The following MALRD1 variants were observed in gnomAD, a reference collection of about 807,000 sequenced individuals.
MALRD1 encodes MAM and LDL receptor class A domain containing 1, also known as MAM and LDL-receptor class A domain-containing protein 1.
A neutral mutation model predicts 242.1 loss-of-function variants in MALRD1; 247 were observed. The observed-to-expected ratio is 1.02, with a 90% CI of 0.92 to 1.13. MALRD1 has a LOEUF of 1.13. Ranked by LOEUF, MALRD1 falls within the 50% of genes most tolerant of loss-of-function variation. The probability of loss-of-function intolerance (pLI) is 0.00; values close to 1 mark genes in which losing one functional copy is unlikely to be tolerated. For missense variants in MALRD1, 2,989 were observed against 2,533.1 expected (o/e 1.18, Z -3.86); for synonymous variants, 995 against 866.6 (o/e 1.15, Z -2.60).
intron 18 of MALRD1, among the ~76,000 whole-genome samples, chr10:19,222,097 C>A (rs1837580217): frequency 6.6e-6 from 1 of 152,036 alleles, no homozygotes; most frequent in Non-Finnish European, 1.5e-5. Flanking sequence ...CCCTCCCTTG[C>A]TCCCTCCATC....
In MALRD1 at chr10:19,490,513, G is replaced by GGC. The variant is rs1429606562; in HGVS notation, c.5030-1003_5030-1002insCG. Among the ~76,000 whole-genome samples, 3 of 129,278 alleles carry GGC rather than the reference G, an allele frequency of 2.3e-5. 1 individual carries two copies. Among genetic ancestry groups the GGC allele is most frequent in the Non-Finnish European group, 5.0e-5 (3 of 59,424 alleles). 84.8% of individuals were successfully genotyped at this position (129,278 alleles called of 152,430 possible). On this transcript the variant is annotated intron_variant, in intron 29 of 39. Transcript: ENST00000454679. The stretch of plus-strand genomic sequence containing the variant: ...AGAAGAAGCCAAGTGGGGCGGGGGG[G>GGC]GGGCAGGGTTATGGGGGTGAGGGTA...
intron 36 of MALRD1, among the ~76,000 whole-genome samples, chr10:19,649,739 A>G (rs1589358889): frequency 6.6e-6 from 1 of 152,220 alleles, no homozygotes; most frequent in East Asian, 1.9e-4. Context: ...TTTAGATACC[A>G]TTGGTCAATT....
chr10:19,562,344 G>GATAT (rs1564442794), intron 32 of MALRD1, among the ~76,000 whole-genome samples: 1 of 141,804 alleles, frequency 7.1e-6, no homozygotes, highest in African/African-American at 2.9e-5. Context: ...TAGATAGATA[G>GATAT]TTAGATAGAT....
chr10:19,462,279 T>G (rs12762039), intron 29 of MALRD1, among the ~76,000 whole-genome samples: 48,068 of 152,142 alleles, frequency 0.32, 8,179 homozygotes, highest in East Asian at 0.41. Context: ...TCAGAGCCAC[T>G]ATCTACCTGC....
intron 18 of MALRD1, among the ~76,000 whole-genome samples, chr10:19,227,651 A>T (rs1156374758): frequency 6.6e-6 from 1 of 152,132 alleles, no homozygotes; most frequent in Admixed American, 6.6e-5. Flanking sequence ...AAAACACAGA[A>T]TCAAAAAATG....
intron 18 of MALRD1, among the ~76,000 whole-genome samples, chr10:19,240,423 A>G (rs1339436391): frequency 1.3e-5 from 2 of 152,032 alleles, no homozygotes; most frequent in African/African-American, 4.8e-5. Flanking sequence ...TATATCTAGA[A>G]AGAACCTTAA....
chr10:19,263,196 T>C (rs910357132), intron 19 of MALRD1, among the ~76,000 whole-genome samples: 15 of 152,204 alleles, frequency 9.9e-5, no homozygotes, highest in African/African-American at 3.6e-4. Context: ...AGTTACATTT[T>C]AAATTTTTTG....
intron 31 of MALRD1, among the ~76,000 whole-genome samples, chr10:19,499,503 C>T (rs1203177092): frequency 1.3e-5 from 2 of 151,620 alleles, no homozygotes. Context: ...GGAATGTCTT[C>T]AGATTTCATC....
intron 35 of MALRD1, among the ~76,000 whole-genome samples, chr10:19,609,876 G>T (rs1838811658): frequency 6.6e-6 from 1 of 151,632 alleles, no homozygotes; most frequent in African/African-American, 2.4e-5. Flanking sequence ...AATTAGGAAA[G>T]GTCACTAAAA....
chr10:19,618,411 T>G (rs1839263126), intron 36 of MALRD1, among the ~76,000 whole-genome samples: 1 of 152,108 alleles, frequency 6.6e-6, no homozygotes. Context: ...ATCACCGCAC[T>G]GCTTTGACAA....
At position 19,323,826 on chromosome 10, in the gene MALRD1, G is replaced by A. The variant is rs997061945; in HGVS notation, c.3420-123G>A. On this transcript the variant is annotated intron_variant, in intron 21 of 39. Transcript: ENST00000454679. ...GTGTTTCATCATGGTAGCCAGGCTG[G>A]TCTCGAACTCCTGACTGCAGGTGAT... 7.1e-5 allele frequency: 55 copies of A among 773,950 alleles called. 1 individual carries two copies. In the South Asian group the frequency reaches 9.7e-4, roughly 14 times the overall value. 47.9% of individuals were successfully genotyped at this position (773,950 alleles called of 1,614,324 possible). A position where few individuals can be genotyped will look rare whatever the true frequency, so the allele number is the denominator to read the frequency against.
At chr10:19,633,262 G>A (rs771137914) in intron 36 of MALRD1, among the ~76,000 whole-genome samples, 15 of 152,038 alleles carry the variant, frequency 9.9e-5, no homozygotes, top group Non-Finnish European at 1.8e-4. Context: ...GAGAGAGAGA[G>A]ACGACTTTTC....
intron 29 of MALRD1, among the ~76,000 whole-genome samples, chr10:19,464,231 A>G (rs1319920152): frequency 6.6e-6 from 1 of 151,994 alleles, no homozygotes; most frequent in Admixed American, 6.6e-5. Flanking sequence ...CCACCTGTTT[A>G]TCTTTGTTTT....
chr10:19,683,139 A>AG, intron 36 of MALRD1, among the ~76,000 whole-genome samples: 1 of 151,968 alleles, frequency 6.6e-6, no homozygotes, highest in East Asian at 1.9e-4. Context: ...TACCGGAAAA[A>AG]AAAAAAGAAA....
intron 19 of MALRD1, among the ~76,000 whole-genome samples, chr10:19,258,165 TG>T (rs1315785346): frequency 1.3e-5 from 2 of 152,262 alleles, no homozygotes; most frequent in East Asian, 3.9e-4. Context: ...TAACAATTGT[TG>T]TCAACCATTT....
At chr10:19,380,776 A>T (rs1406116237) in intron 26 of MALRD1, among the ~76,000 whole-genome samples, 1 of 152,088 alleles carries the variant, frequency 6.6e-6, no homozygotes, top group African/African-American at 2.4e-5. Context: ...AAAATTTGGC[A>T]TTATTGTTGT....
chr10:19,490,867 TGTTA>T (rs1377605363), intron 29 of MALRD1, among the ~76,000 whole-genome samples: 4 of 152,134 alleles, frequency 2.6e-5, no homozygotes, highest in Admixed American at 6.5e-5. Context: ...CATAAAATAG[TGTTA>T]GTTCTCTGTA....
At chr10:19,389,155 T>C (rs1331888154) in intron 27 of MALRD1, 1 of 457,990 alleles carries the variant, frequency 2.2e-6, no homozygotes, top group Non-Finnish European at 4.3e-6. Context: ...CTTGGTAGTT[T>C]GGGAAATCTA....
rs11443184 is a variant in MALRD1, at chr10:19,176,366, C to CTTTTTTTTTTTTTTTTTTTTTTTT, written c.1951+1057_1951+1058insTTTTTTTTTTTTTTTTTTTTTTTT. Among the ~76,000 whole-genome samples, 20 of 87,298 alleles carry CTTTTTTTTTTTTTTTTTTTTTTTT rather than the reference C, an allele frequency of 2.3e-4. 4 individuals carry two copies. The highest frequency in any genetic ancestry group is 3.2e-4 in the Non-Finnish European group (14 of 43,398). The allele number at this position is 87,298 out of a possible 152,430, so 57.3% of individuals were successfully genotyped here. ...TCGAGAGAGTGTATATTTCTGGGTG[C>CTTTTTTTTTTTTTTTTTTTTTTTT]TTTTTTTTTTTTTTTTTTTGAGACG... On this transcript the variant is annotated intron_variant, in intron 14 of 39. Transcript: ENST00000454679.
Sources: gnomAD v4.1 joint callset for allele counts (sites outside exome capture counted in the v4.1 genomes callset) on GRCh38, gnomAD v4.1.1 for gene constraint, MANE v1.5 for transcripts, NCBI Gene and HGNC (gene_info 2026-07-23, HGNC 2026-07-21) for gene names.